Variants in TEX36 observed in about 807,000 individuals in gnomAD.
TEX36 encodes testis-expressed protein 36.
In TEX36, 12 loss-of-function variants were observed where a neutral mutation model predicts 13.6. The ratio of observed to expected loss-of-function variants is 0.88; its 90% CI spans 0.56 to 1.43. The LOEUF is 1.43. Ranked by LOEUF, TEX36 falls within the 40% of genes most tolerant of loss-of-function variation. TEX36 has a pLI of 0.00. For missense variants in TEX36, 224 were observed against 228.3 expected (o/e 0.98, Z 0.12); for synonymous variants, 93 against 83.0 (o/e 1.12, Z -0.65).
At chr10:125,637,641 A>G (rs993664580) in intron 3 of TEX36, among the ~76,000 whole-genome samples, 1 of 152,040 alleles carries the variant, frequency 6.6e-6, no homozygotes, top group Non-Finnish European at 1.5e-5. Context: ...GGCTGACCCT[A>G]GAATCACTTA....
intron 3 of TEX36, among the ~76,000 whole-genome samples, chr10:125,593,555 A>T (rs1216814270): frequency 2.0e-5 from 3 of 152,232 alleles, no homozygotes. Flanking sequence ...AAATTCGTGG[A>T]TGGTGCAAAG....
chr10:125,584,498 G>A (rs1048373166), intron 3 of TEX36, among the ~76,000 whole-genome samples: 5 of 152,148 alleles, frequency 3.3e-5, no homozygotes, highest in African/African-American at 1.2e-4. Context: ...TGAAAACATT[G>A]ATCTGAAATG....
intron 3 of TEX36, among the ~76,000 whole-genome samples, chr10:125,577,846 A>T (rs1269295578): frequency 1.3e-5 from 2 of 152,224 alleles, no homozygotes; most frequent in African/African-American, 4.8e-5. Flanking sequence ...TGCACAAATA[A>T]CTGGAAGGAG....
At chr10:125,652,414 T>C (rs1253760309), downstream of TEX36, among the ~76,000 whole-genome samples, 2 of 152,278 alleles carry the variant, frequency 1.3e-5, no homozygotes, top group African/African-American at 4.8e-5. Context: ...TAAATGGTGA[T>C]AGGAAAACTG....
At chr10:125,654,794 C>T (rs1338330362), downstream of TEX36, among the ~76,000 whole-genome samples, 1 of 152,132 alleles carries the variant, frequency 6.6e-6, no homozygotes, top group South Asian at 2.1e-4. Flanking sequence ...GGGGATAAAA[C>T]AGAAATTCAC....
intron 1 of TEX36, among the ~76,000 whole-genome samples, chr10:125,677,438 A>T (rs1847328789): frequency 6.6e-6 from 1 of 152,284 alleles, no homozygotes. Context: ...ATTATTTCAA[A>T]AGACCTGTCT....
intron 3 of TEX36, among the ~76,000 whole-genome samples, chr10:125,584,922 A>G (rs1427241821): frequency 1.3e-5 from 2 of 152,198 alleles, no homozygotes; most frequent in Non-Finnish European, 2.9e-5. Flanking sequence ...TCATGGACCC[A>G]ATACAAATGT....
Position 125,683,043 on chromosome 10 carries a change from C to T in TEX36, c.-54G>A, listed in dbSNP as rs370940434. On this transcript the variant is annotated 5_prime_UTR_variant, in exon 1 of 4. Coordinates refer to ENST00000368821, the MANE Select transcript of TEX36 (RefSeq NM_001128202.3). The stretch of plus-strand genomic sequence containing the variant: ...ATTGGCTCCCTCACCTCTCCATAAG[C>T]TCTACATGTCTGGGAAGCTGCTTCC... 90 of 1,541,968 alleles carry T rather than the reference C, an allele frequency of 5.8e-5. 1 individual carries two copies. The highest frequency in any genetic ancestry group is 4.4e-4 in the East Asian group (18 of 40,852).
chr10:125,580,504 A>G (rs1845869947), intron 3 of TEX36, among the ~76,000 whole-genome samples: 1 of 152,168 alleles, frequency 6.6e-6, no homozygotes, highest in Admixed American at 6.5e-5. Flanking sequence ...TGGAGGGGTA[A>G]AGGGGAGGAA....
At chr10:125,639,623 G>T (rs886382103) in intron 3 of TEX36, among the ~76,000 whole-genome samples, 4 of 152,020 alleles carry the variant, frequency 2.6e-5, no homozygotes, top group African/African-American at 4.8e-5. Flanking sequence ...GGGAAGCTGA[G>T]GGTGGGAGGG....
At chr10:125,645,363 T>A (rs1337403650) in intron 3 of TEX36, among the ~76,000 whole-genome samples, 1 of 152,198 alleles carries the variant, frequency 6.6e-6, no homozygotes, top group Non-Finnish European at 1.5e-5. Flanking sequence ...GGATTCATGG[T>A]TAATAGGTTA....
At chr10:125,660,642 T>C (rs1847020220) in intron 3 of TEX36, among the ~76,000 whole-genome samples, 1 of 152,216 alleles carries the variant, frequency 6.6e-6, no homozygotes, top group South Asian at 2.1e-4. Context: ...CCTTATATTA[T>C]GTAAGCTCCT....
chr10:125,625,011 G>A (rs974600792), intron 3 of TEX36, among the ~76,000 whole-genome samples: 3 of 152,168 alleles, frequency 2.0e-5, no homozygotes, highest in African/African-American at 4.8e-5. Flanking sequence ...AAGTTTCCAG[G>A]AGACATGCCA....
chr10:125,661,204 C>G, intron 2 of TEX36, 103 bp from the exon 3 acceptor site: 1 of 903,276 alleles, frequency 1.1e-6, no homozygotes, highest in Non-Finnish European at 1.8e-6. Flanking sequence ...GGCAAAGCGA[C>G]CTCTAAGAAA....
chr10:125,614,189 T>C (rs539381215), intron 3 of TEX36, among the ~76,000 whole-genome samples: 8 of 152,338 alleles, frequency 5.3e-5, no homozygotes, highest in African/African-American at 1.7e-4. Flanking sequence ...TAGCCCTTTG[T>C]CAGATGAGTA....
intron 1 of TEX36, among the ~76,000 whole-genome samples, chr10:125,668,995 C>A (rs1847173357): frequency 6.6e-6 from 1 of 151,730 alleles, no homozygotes; most frequent in South Asian, 2.1e-4. Context: ...CCTGTCTCTA[C>A]TAAAAATACG....
At chr10:125,663,232 T>G (rs960501672) in intron 1 of TEX36, among the ~76,000 whole-genome samples, 2 of 152,228 alleles carry the variant, frequency 1.3e-5, no homozygotes, top group African/African-American at 4.8e-5. Context: ...ATGTATACAC[T>G]CCAATAGTGT....
chr10:125,586,259 C>A (rs1007950372), intron 3 of TEX36, among the ~76,000 whole-genome samples: 3 of 152,030 alleles, frequency 2.0e-5, no homozygotes, highest in African/African-American at 4.8e-5. Flanking sequence ...ATAAGTTAAC[C>A]CTTACTCTCA....
At chr10:125,633,073 G>A (rs1248044183) in intron 3 of TEX36, among the ~76,000 whole-genome samples, 1 of 151,996 alleles carries the variant, frequency 6.6e-6, no homozygotes, top group Non-Finnish European at 1.5e-5. Context: ...GCGGTCAGCC[G>A]AGATTGTGCC....
Sources: gnomAD v4.1 joint callset for allele counts (sites outside exome capture counted in the v4.1 genomes callset) on GRCh38, gnomAD v4.1.1 for gene constraint, MANE v1.5 for transcripts, NCBI Gene and HGNC (gene_info 2026-07-23, HGNC 2026-07-21) for gene names.